The following SLC14A2 variants were observed in gnomAD, a reference collection of about 807,000 sequenced individuals.
SLC14A2 encodes the protein solute carrier family 14 member 2, also known as urea transporter 2.
Under a neutral mutation model 104.6 loss-of-function variants are expected in SLC14A2, and 91 were observed. The observed-to-expected ratio is 0.87, with a 90% confidence interval of 0.73 to 1.04. SLC14A2 has a LOEUF of 1.04. Among genes scored for constraint, SLC14A2 ranks in the 50% least tolerant of loss-of-function variants. The pLI, the probability that SLC14A2 is intolerant of heterozygous loss-of-function variation, is 0.00. For synonymous variants in SLC14A2, 476 were observed against 466.4 expected, an observed-to-expected ratio of 1.02 and a Z score of -0.27; for missense variants, 1,189 against 1,156.0, an observed-to-expected ratio of 1.03 and a Z score of -0.41.
chr18:45,170,915 T>A, the SLC14A2 span, among the ~76,000 whole-genome samples: 14 of 152,260 alleles, frequency 9.2e-5, no homozygotes, highest in South Asian at 4.2e-4. Flanking sequence ...TAGGAGAAGA[T>A]GCAAAATGTG....
At chr18:45,676,767 C>T (rs1394650634) in intron 18 of SLC14A2, among the ~76,000 whole-genome samples, 1 of 152,114 alleles carries the variant, frequency 6.6e-6, no homozygotes, top group Non-Finnish European at 1.5e-5. Context: ...TCCCTCCAGC[C>T]CCATAAAGTG....
chr18:45,426,240 C>T (rs775070184), intron 1 of SLC14A2, among the ~76,000 whole-genome samples: 8 of 152,152 alleles, frequency 5.3e-5, no homozygotes, highest in Non-Finnish European at 8.8e-5. Context: ...CTGGACTACC[C>T]GAGTCAAACT....
intron 1 of SLC14A2, among the ~76,000 whole-genome samples, chr18:45,415,237 A>T (rs1487457232): frequency 6.6e-6 from 1 of 152,154 alleles, no homozygotes. Context: ...GTAAAGAAAC[A>T]TGCTTTGGAT....
chr18:45,515,156 TGTG>T (rs2043420566), intron 2 of SLC14A2, among the ~76,000 whole-genome samples: 1 of 152,210 alleles, frequency 6.6e-6, no homozygotes, highest in Non-Finnish European at 1.5e-5. Flanking sequence ...CTAAGTAGTT[TGTG>T]GATAAATATT....
At chr18:45,599,839 T>G (rs1008142705) in intron 2 of SLC14A2, among the ~76,000 whole-genome samples, 3 of 152,138 alleles carry the variant, frequency 2.0e-5, no homozygotes, top group Admixed American at 6.5e-5. Flanking sequence ...CTTACATGGA[T>G]GTCAGCAGGC....
rs150408347 is a variant in SLC14A2 at position 45,479,719 on chromosome 18, C to A, written c.-124-3514C>A. On this transcript the variant is annotated intron_variant, in intron 1 of 20. Transcript: ENST00000586448. ...TGTCTTACTTCTAAAATTGGAAAAG[C>A]TCTGTATCTGCTTTACCATAAATCT... 9.2e-3 allele frequency among the ~76,000 whole-genome samples: 1,400 copies of A among 152,226 alleles called. 18 individuals are homozygous for A. The highest frequency in any genetic ancestry group is 0.031 in the African/African-American group (1,303 of 41,556).
intron 1 of SLC14A2, among the ~76,000 whole-genome samples, chr18:45,438,006 C>T (rs1430961927): frequency 6.6e-6 from 1 of 152,146 alleles, no homozygotes; most frequent in Non-Finnish European, 1.5e-5. Flanking sequence ...ATACATCCAA[C>T]AAAACATTTA....
In SLC14A2 at chr18:45,632,378, T is replaced by A. The variant is rs745502669; in HGVS notation, c.550T>A (p.Tyr184Asn). ...RSAIASGLHG[Y>N]NGMLVGLLMA... ...TGCCATTGCCTCAGGACTCCATGGG[T>A]ACAACGGGATGCTGGTGGGACTGCT... The change falls in exon 5 of 20, where the codon TAC becomes AAC. Residue 184 changes from tyrosine to asparagine, a missense_variant. By Grantham distance (143) the Tyr-to-Asn change is moderately radical. Transcript: ENST00000255226. The A allele has an allele frequency of 3.1e-6, 5 of 1,613,812 alleles. No individual in the cohort carries two copies. In the South Asian group the frequency reaches 5.5e-5, roughly 18 times the overall value.
chr18:45,666,851 G>C, intron 12 of SLC14A2, 84 bp from the exon 13 acceptor site: 1 of 1,102,418 alleles, frequency 9.1e-7, no homozygotes, highest in Non-Finnish European at 1.3e-6. Context: ...AATCTTATTT[G>C]GTCCCTGAGT....
intron 1 of SLC14A2, among the ~76,000 whole-genome samples, chr18:45,433,632 C>T (rs1424756423): frequency 6.6e-6 from 1 of 152,190 alleles, no homozygotes; most frequent in Non-Finnish European, 1.5e-5. Flanking sequence ...CATGATATGA[C>T]ATCAATAAGT....
intron 10 of SLC14A2, among the ~76,000 whole-genome samples, chr18:45,659,430 G>A (rs4273138): frequency 0.27 from 41,411 of 152,170 alleles, 6,868 homozygotes; most frequent in Middle Eastern, 0.4. Context: ...ACAACCAGAC[G>A]GAATGGACTT....
intron 1 of SLC14A2, among the ~76,000 whole-genome samples, chr18:45,437,475 C>A (rs2086615371): frequency 6.6e-6 from 1 of 152,188 alleles, no homozygotes; most frequent in South Asian, 2.1e-4. Context: ...AGCACCAGAT[C>A]ACTGCACAGA....
intron 1 of SLC14A2, among the ~76,000 whole-genome samples, chr18:45,245,029 G>A (rs1311552174): frequency 6.6e-6 from 1 of 152,156 alleles, no homozygotes; most frequent in Non-Finnish European, 1.5e-5. Context: ...AATACTTTAT[G>A]CCATGTGCCA....
At chr18:45,483,494 A>C (rs2087536593) in intron 2 of SLC14A2, 1 of 151,752 alleles carries the variant, frequency 6.6e-6, no homozygotes, top group Admixed American at 6.6e-5. Flanking sequence ...AGTCTTCCCC[A>C]CTCCATTCTG....
intron 2 of SLC14A2, among the ~76,000 whole-genome samples, chr18:45,596,394 G>A (rs2044719076): frequency 6.6e-6 from 1 of 152,168 alleles, no homozygotes; most frequent in African/African-American, 2.4e-5. Flanking sequence ...AACTCTTATT[G>A]GGGAACAGGG....
At chr18:45,535,950 A>C (rs942388429) in intron 2 of SLC14A2, among the ~76,000 whole-genome samples, 2 of 152,260 alleles carry the variant, frequency 1.3e-5, no homozygotes, top group Non-Finnish European at 2.9e-5. Flanking sequence ...ATGAATGAGC[A>C]AGTAAAGATA....
the SLC14A2 span, among the ~76,000 whole-genome samples, chr18:45,189,877 C>A: frequency 6.6e-6 from 1 of 151,848 alleles, no homozygotes; most frequent in Admixed American, 6.6e-5. Flanking sequence ...GCAGTCCCAT[C>A]CCTAGGGCAG....
At chr18:45,675,023 C>A (rs1484222497) in intron 18 of SLC14A2, among the ~76,000 whole-genome samples, 1 of 152,204 alleles carries the variant, frequency 6.6e-6, no homozygotes, top group Non-Finnish European at 1.5e-5. Flanking sequence ...TCCATCCGAA[C>A]TCATTAAACT....
intron 2 of SLC14A2, among the ~76,000 whole-genome samples, chr18:45,502,819 A>G (rs1418149271): frequency 6.6e-6 from 1 of 152,182 alleles, no homozygotes; most frequent in Non-Finnish European, 1.5e-5. Context: ...CACCAGACCC[A>G]GAATTCAGAC....
Sources: allele counts gnomAD v4.1 joint callset (sites outside exome capture counted in the v4.1 genomes callset), GRCh38; gene constraint gnomAD v4.1.1; transcripts MANE v1.5; gene names NCBI Gene and HGNC (gene_info 2026-07-23, HGNC 2026-07-21).